Variants in GRIP1 observed in about 807,000 individuals in gnomAD.
GRIP1 encodes the protein glutamate receptor-interacting protein 1.
Under a neutral mutation model 129.9 loss-of-function variants are expected in GRIP1, and 45 were observed. The ratio of observed to expected loss-of-function variants is 0.35; its 90% confidence interval spans 0.27 to 0.44. GRIP1 has a LOEUF of 0.44. GRIP1 is among the 20% of genes least tolerant of loss of function. GRIP1 has a pLI of 1.00. For synonymous variants in GRIP1, 530 were observed against 520.8 expected, an observed-to-expected ratio of 1.02 and a Z score of -0.24; for missense variants, 1,196 against 1,396.8, an observed-to-expected ratio of 0.86 and a Z score of 2.29.
chr12:66,654,716 G>T (rs2033031677), intron 1 of GRIP1, among the ~76,000 whole-genome samples: 1 of 152,180 alleles, frequency 6.6e-6, no homozygotes, highest in Admixed American at 6.5e-5. Flanking sequence ...GTTTGGGGAG[G>T]TGATGAGAGT....
At chr12:66,904,856 C>T (rs905662524) in intron 1 of GRIP1, among the ~76,000 whole-genome samples, 15 of 151,038 alleles carry the variant, frequency 9.9e-5, no homozygotes, top group African/African-American at 3.2e-4. Context: ...TGCGCCACTG[C>T]ACTCCAGCCT....
chr12:66,401,609 T>TATATACACACACAC (rs1169241331), intron 16 of GRIP1, among the ~76,000 whole-genome samples: 8 of 110,176 alleles, frequency 7.3e-5, no homozygotes, highest in African/African-American at 3.0e-4. Context: ...TATATATATA[T>TATATACACACACAC]ACACACACAC....
At chr12:66,435,862 C>T (rs1429041630) in intron 13 of GRIP1, among the ~76,000 whole-genome samples, 1 of 152,184 alleles carries the variant, frequency 6.6e-6, no homozygotes, top group Admixed American at 6.5e-5. Context: ...ACTAATAAAT[C>T]TCTTTGATCA....
chr12:66,747,843 A>G (rs929868655), intron 1 of GRIP1, among the ~76,000 whole-genome samples: 1 of 152,234 alleles, frequency 6.6e-6, no homozygotes, highest in Non-Finnish European at 1.5e-5. Context: ...TCCAAAGGGA[A>G]TAAAAGATGA....
chr12:66,921,324 A>T (rs528145255), intron 1 of GRIP1, among the ~76,000 whole-genome samples: 16 of 152,336 alleles, frequency 1.1e-4, no homozygotes, highest in Admixed American at 9.2e-4. Flanking sequence ...AATACACAGG[A>T]AAGGGACTGC....
At chr12:66,443,446 C>A (rs1359088338) in intron 13 of GRIP1, among the ~76,000 whole-genome samples, 1 of 147,652 alleles carries the variant, frequency 6.8e-6, no homozygotes, top group East Asian at 2.0e-4. Context: ...TTTCTTTTCT[C>A]TTTCTTTTTT....
intron 7 of GRIP1, among the ~76,000 whole-genome samples, chr12:66,492,551 G>A (rs1157448870): frequency 1.3e-5 from 2 of 152,288 alleles, no homozygotes; most frequent in East Asian, 3.9e-4. Flanking sequence ...GAAGTAATAA[G>A]CACACAGTCC....
intron 1 of GRIP1, among the ~76,000 whole-genome samples, chr12:67,034,109 C>T (rs983574215): frequency 6.6e-6 from 1 of 152,178 alleles, no homozygotes; most frequent in African/African-American, 2.4e-5. Context: ...TATATGTTTT[C>T]AGGCAAGTCA....
intron 1 of GRIP1, among the ~76,000 whole-genome samples, chr12:66,959,973 C>T (rs951163607): frequency 4.0e-5 from 6 of 151,816 alleles, no homozygotes; most frequent in East Asian, 1.9e-4. Context: ...GAAAATAGCT[C>T]GGAGGGTGAT....
intron 1 of GRIP1, among the ~76,000 whole-genome samples, chr12:66,969,458 G>A (rs1168355437): frequency 6.6e-6 from 1 of 152,152 alleles, no homozygotes; most frequent in Non-Finnish European, 1.5e-5. Flanking sequence ...AGCAGCCAGA[G>A]TGCAGTTAAT....
intron 1 of GRIP1, among the ~76,000 whole-genome samples, chr12:66,684,987 G>C (rs1030724038): frequency 2.0e-5 from 3 of 152,086 alleles, no homozygotes; most frequent in Non-Finnish European, 4.4e-5. Context: ...TTCCTTCCCA[G>C]TAGGACACAC....
intron 1 of GRIP1, among the ~76,000 whole-genome samples, chr12:67,061,849 C>T (rs1464646065): frequency 6.6e-6 from 1 of 152,044 alleles, no homozygotes; most frequent in Non-Finnish European, 1.5e-5. Flanking sequence ...TTTTCCCCTA[C>T]ATTGACCGGT....
At chr12:66,518,984 T>C (rs1171955230) in intron 5 of GRIP1, among the ~76,000 whole-genome samples, 1 of 152,144 alleles carries the variant, frequency 6.6e-6, no homozygotes, top group Non-Finnish European at 1.5e-5. Flanking sequence ...CACATCACCA[T>C]CCTGACTGTC....
At chr12:66,668,890 C>T (rs1359561985) in intron 1 of GRIP1, among the ~76,000 whole-genome samples, 1 of 152,078 alleles carries the variant, frequency 6.6e-6, no homozygotes, top group Non-Finnish European at 1.5e-5. Context: ...GATGAGGCTG[C>T]AGTAAGCCAA....
intron 19 of GRIP1, among the ~76,000 whole-genome samples, chr12:66,386,236 T>C (rs558517437): frequency 1.3e-5 from 2 of 152,334 alleles, no homozygotes; most frequent in East Asian, 3.9e-4. Flanking sequence ...TAATATTTGG[T>C]TTTCTGTACT....
chr12:66,742,178 C>T (rs2036809210), intron 1 of GRIP1, among the ~76,000 whole-genome samples: 1 of 152,142 alleles, frequency 6.6e-6, no homozygotes, highest in African/African-American at 2.4e-5. Context: ...ATAAAGTTTC[C>T]TCTCTGAGAG....
intron 1 of GRIP1, among the ~76,000 whole-genome samples, chr12:66,711,946 T>G (rs947847632): frequency 6.6e-6 from 1 of 151,924 alleles, no homozygotes; most frequent in Non-Finnish European, 1.5e-5. Context: ...CTTTCATCAT[T>G]AAAAAGTATA....
intron 6 of GRIP1, among the ~76,000 whole-genome samples, chr12:66,517,092 GTTT>G (rs982608939): frequency 5.3e-5 from 8 of 152,088 alleles, no homozygotes; most frequent in African/African-American, 1.9e-4. Context: ...CTTAACAAAG[GTTT>G]TTAAGTTTAT....
rs760857840 is a variant in GRIP1, at chr12:66,465,402, C to T, written c.745G>A (p.Gly249Arg). The T allele has an allele frequency of 2.4e-5, 39 of 1,613,686 alleles. No homozygotes were observed. Among genetic ancestry groups the T allele is most frequent in the South Asian group, 1.5e-4 (14 of 91,078 alleles). ...SVMDSVATAS[G>R]PLLVEVAKTP... The stretch of plus-strand genomic sequence containing the variant: ...TTGGCAACTTCGACTAGTAGTGGCC[C>T]GGATGCTGTTGCCACAGAGTCTGTC... Residue 249 changes from glycine to arginine, a missense_variant, in exon 8 of 25, where the codon GGG becomes AGG. Around this residue, in one of 5 missense-constraint regions of GRIP1, gnomAD observed 508 missense variants for 587.0 expected, o/e 0.87. Transcript: ENST00000359742.
Sources: gnomAD v4.1 joint callset for allele counts (sites outside exome capture counted in the v4.1 genomes callset) on GRCh38, gnomAD v4.1.1 for gene constraint, gnomAD v4.1.1 regional missense constraint, MANE v1.5 for transcripts, NCBI Gene and HGNC (gene_info 2026-07-23, HGNC 2026-07-21) for gene names.